The following HDX variants were observed in gnomAD, a reference collection of about 807,000 sequenced individuals.
The protein encoded by HDX is chromosome X open reading frame 43.
In HDX, 19 loss-of-function variants were observed where a neutral mutation model predicts 45.2. The observed-to-expected ratio is 0.42, with a 90% CI of 0.29 to 0.62. The LOEUF (loss-of-function observed/expected upper bound fraction) is 0.62. HDX is among the 20% of genes least tolerant of loss of function. The pLI is 0.20. For synonymous variants in HDX, 188 were observed against 172.8 expected (o/e 1.09, Z -0.69); for missense variants, 532 against 493.9 (o/e 1.08, Z -0.73).
intron 5 of HDX, among the ~76,000 whole-genome samples, chrX:84,417,171 AAT>A (rs2039124521): frequency 9.5e-6 from 1 of 105,444 alleles, no homozygotes; most frequent in African/African-American, 3.5e-5. Flanking sequence ...AGAAAGAAAG[AAT>A]GAAAGAAAGA....
intron 3 of HDX, among the ~76,000 whole-genome samples, chrX:84,470,062 G>T (rs182653733): frequency 2.0e-3 from 228 of 111,633 alleles, no homozygotes; most frequent in African/African-American, 7.1e-3. Flanking sequence ...GCAATCTTTA[G>T]ACTCATCAAC....
At chrX:84,464,827 C>T (rs145953926) in intron 4 of HDX, among the ~76,000 whole-genome samples, 2,490 of 111,436 alleles carry the variant, frequency 0.022, 50 homozygotes, top group African/African-American at 0.07. Context: ...TGACAAATGG[C>T]ATCTAATTAA....
intron 7 of HDX, among the ~76,000 whole-genome samples, chrX:84,343,331 T>C (rs190046611): frequency 4.5e-5 from 5 of 111,284 alleles, no homozygotes; most frequent in African/African-American, 1.6e-4. Context: ...TTGAGCTCAC[T>C]GCAGCCTCAA....
At chrX:84,386,257 A>T (rs2038318541) in intron 5 of HDX, among the ~76,000 whole-genome samples, 1 of 111,365 alleles carries the variant, frequency 9.0e-6, no homozygotes, top group Non-Finnish European at 1.9e-5. Flanking sequence ...TAGATTTACT[A>T]GTATTTTCCT....
intron 5 of HDX, among the ~76,000 whole-genome samples, chrX:84,371,641 C>T (rs1173768738): frequency 1.8e-5 from 2 of 111,824 alleles, no homozygotes; most frequent in Non-Finnish European, 3.8e-5. Context: ...CCCCATGGAA[C>T]ACAGATGTCA....
intron 5 of HDX, among the ~76,000 whole-genome samples, chrX:84,435,309 C>CA (rs2039597530): frequency 9.0e-6 from 1 of 111,318 alleles, no homozygotes. Context: ...CTCTGATGGC[C>CA]AGTGATCATG....
Position 84,469,147 on chromosome X carries a change from G to A in HDX, c.576C>T (p.His192=), listed in dbSNP as rs149996033. 9 of 1,207,557 alleles carry A rather than the reference G, an allele frequency of 7.5e-6. No individual in the cohort carries two copies. The highest frequency in any genetic ancestry group is 3.5e-5 in the South Asian group (2 of 56,520). ...VLNAGNSVFN[H]AKKNYGNSSV... Reference sequence around the variant, plus strand: ...AAGAGTTTCCATAGTTTTTCTTTGCGTGATTGAATACTGAGTTTCCAGCAT... The same window carrying A: ...AAGAGTTTCCATAGTTTTTCTTTGCATGATTGAATACTGAGTTTCCAGCAT... The change falls in exon 4 of 11, where the codon CAC becomes CAT. Residue 192 remains histidine, a synonymous_variant. Coordinates refer to ENST00000373177, the MANE Select transcript of HDX (RefSeq NM_001177479.2).
intron 2 of HDX, among the ~76,000 whole-genome samples, chrX:84,482,370 G>T (rs776525797): frequency 5.9e-4 from 66 of 111,584 alleles, no homozygotes; most frequent in Non-Finnish European, 1.0e-3. Context: ...GAAGAAAGAG[G>T]TTTAATTGAC....
chrX:84,362,952 A>C (rs932846405), intron 5 of HDX, among the ~76,000 whole-genome samples: 1 of 111,627 alleles, frequency 9.0e-6, no homozygotes, highest in Non-Finnish European at 1.9e-5. Context: ...AAGGAAAATA[A>C]ATATATGAAT....
At chrX:84,383,084 T>C (rs1024060837) in intron 5 of HDX, among the ~76,000 whole-genome samples, 1 of 111,391 alleles carries the variant, frequency 9.0e-6, no homozygotes, top group African/African-American at 3.3e-5. Flanking sequence ...AATTAACGTG[T>C]AGTATATATA....
At chrX:84,466,774 A>G (rs1378238247) in intron 4 of HDX, among the ~76,000 whole-genome samples, 2 of 111,771 alleles carry the variant, frequency 1.8e-5, no homozygotes, top group Non-Finnish European at 3.8e-5. Flanking sequence ...AGAAAATATG[A>G]TAAATAATAA....
chrX:84,426,834 A>T (rs764313966), intron 5 of HDX, among the ~76,000 whole-genome samples: 15 of 111,157 alleles, frequency 1.3e-4, no homozygotes, highest in African/African-American at 4.9e-4. Flanking sequence ...CTATGTGAGG[A>T]GATAGATATG....
chrX:84,420,594 A>G (rs2039231507), intron 5 of HDX, among the ~76,000 whole-genome samples: 1 of 111,890 alleles, frequency 8.9e-6, no homozygotes, highest in Non-Finnish European at 1.9e-5. Context: ...AATAACAGAG[A>G]ACTTCCAAAA....
chrX:84,367,885 A>G (rs774707442), intron 5 of HDX, among the ~76,000 whole-genome samples: 3 of 111,784 alleles, frequency 2.7e-5, no homozygotes, highest in East Asian at 2.8e-4. Flanking sequence ...AGCATTAGGA[A>G]AAATACCTAA....
At chrX:84,342,014 G>A (rs1486808011) in intron 7 of HDX, among the ~76,000 whole-genome samples, 1 of 111,319 alleles carries the variant, frequency 9.0e-6, no homozygotes, top group African/African-American at 3.3e-5. Context: ...CACAGTCTTT[G>A]TCCATTGTCC....
At chrX:84,398,657 T>C (rs749317875) in intron 5 of HDX, among the ~76,000 whole-genome samples, 17 of 111,847 alleles carry the variant, frequency 1.5e-4, no homozygotes, top group African/African-American at 5.5e-4. Flanking sequence ...ATTAGACAGA[T>C]TGAGAGACAA....
intron 5 of HDX, among the ~76,000 whole-genome samples, chrX:84,403,368 A>T (rs147027861): frequency 0.26 from 28,277 of 110,493 alleles, 2,714 homozygotes; most frequent in Non-Finnish European, 0.3. Context: ...AGACTCCTAA[A>T]CTTTAAAATT....
At chrX:84,472,694 C>T (rs1455986337) in intron 3 of HDX, among the ~76,000 whole-genome samples, 1 of 110,995 alleles carries the variant, frequency 9.0e-6, no homozygotes, top group Non-Finnish European at 1.9e-5. Context: ...TATTTTATGG[C>T]ACAGTATAAT....
At chrX:84,350,209 AT>A (rs2037310056) in intron 6 of HDX, among the ~76,000 whole-genome samples, 1 of 111,213 alleles carries the variant, frequency 9.0e-6, no homozygotes, top group Admixed American at 9.6e-5. Context: ...ATTCTGTATG[AT>A]TTAGATTTTT....
Sources: gnomAD v4.1 joint callset for allele counts (sites outside exome capture counted in the v4.1 genomes callset) on GRCh38, gnomAD v4.1.1 for gene constraint, MANE v1.5 for transcripts, NCBI Gene and HGNC (gene_info 2026-07-23, HGNC 2026-07-21) for gene names.